Variants in LDB2 observed in about 807,000 individuals in gnomAD.
LDB2 encodes LIM domain binding 2, also known as LIM domain-binding protein 2.
Under a neutral mutation model 44.3 loss-of-function variants are expected in LDB2, and 12 were observed. That is an observed-to-expected ratio of 0.27 (90% CI 0.17 to 0.44). The LOEUF (loss-of-function observed/expected upper bound fraction) is 0.44. Among genes scored for constraint, LDB2 ranks in the 20% least tolerant of loss-of-function variants. The probability of loss-of-function intolerance (pLI) is 1.00; values close to 1 mark genes in which losing one functional copy is unlikely to be tolerated. For synonymous variants in LDB2, 164 were observed against 174.8 expected, an observed-to-expected ratio of 0.94 and a Z score of 0.49; for missense variants, 344 against 473.5, an observed-to-expected ratio of 0.73 and a Z score of 2.54.
intron 2 of LDB2, among the ~76,000 whole-genome samples, chr4:16,668,866 C>T (rs765631818): frequency 6.6e-5 from 10 of 152,194 alleles, no homozygotes; most frequent in Non-Finnish European, 1.2e-4. Context: ...GGGTGACTCC[C>T]CCAGTGCTTA....
At chr4:16,512,174 G>T (rs1415379532) in intron 5 of LDB2, 70 bp from the exon 6 acceptor site, 2 of 1,365,078 alleles carry the variant, frequency 1.5e-6, no homozygotes, top group Non-Finnish European at 2.0e-6. Flanking sequence ...AATGCTAACA[G>T]CTGGAATCAA....
At chr4:16,675,396 G>A (rs17492017) in intron 2 of LDB2, among the ~76,000 whole-genome samples, 28,956 of 151,976 alleles carry the variant, frequency 0.19, 2,815 homozygotes, top group East Asian at 0.34. Context: ...GTAATAAAAT[G>A]CATCTCTAAT....
rs544185664 is a variant in LDB2 at position 16,724,591 on chromosome 4, A to G, written c.235+34567T>C. On this transcript the variant is annotated intron_variant, in intron 2 of 7. Transcript: ENST00000304523. ...TGGGCTATGGTAAATCTATAGTATC[A>G]AGTTCAGATGCCCTGTGAGATTCTC... is the stretch of plus-strand genomic sequence containing the variant. Among the ~76,000 whole-genome samples the G allele has an allele frequency of 2.0e-5, 3 of 152,114 alleles. No individual in the cohort carries two copies. In the East Asian group the frequency reaches 5.8e-4, roughly 30 times the overall value.
chr4:16,816,015 C>A (rs1043094733), intron 1 of LDB2, among the ~76,000 whole-genome samples: 1 of 152,294 alleles, frequency 6.6e-6, no homozygotes, highest in Non-Finnish European at 1.5e-5. Flanking sequence ...CGAGACCAGC[C>A]TGGCCAACAT....
chr4:16,528,224 G>A (rs1039003457), intron 5 of LDB2, among the ~76,000 whole-genome samples: 5 of 152,112 alleles, frequency 3.3e-5, no homozygotes, highest in Admixed American at 6.6e-5. Context: ...GGAGGGAAGC[G>A]GGTGAGAGGT....
intron 2 of LDB2, among the ~76,000 whole-genome samples, chr4:16,632,933 C>G (rs1019371205): frequency 6.6e-6 from 1 of 152,208 alleles, no homozygotes; most frequent in Non-Finnish European, 1.5e-5. Flanking sequence ...CATCCCATTA[C>G]TGGGCATATA....
chr4:16,642,392 A>G (rs970761439), intron 2 of LDB2, among the ~76,000 whole-genome samples: 3 of 152,222 alleles, frequency 2.0e-5, no homozygotes, highest in African/African-American at 7.2e-5. Flanking sequence ...ATGGAAAAAA[A>G]TGTGAAAAAA....
chr4:16,630,331 C>A (rs557907383), intron 2 of LDB2, among the ~76,000 whole-genome samples: 1 of 152,162 alleles, frequency 6.6e-6, no homozygotes, highest in Non-Finnish European at 1.5e-5. Flanking sequence ...CATATCCAGC[C>A]AAACTAAGCT....
chr4:16,773,738 C>G (rs933284210), intron 1 of LDB2, among the ~76,000 whole-genome samples: 4 of 151,986 alleles, frequency 2.6e-5, no homozygotes, highest in Non-Finnish European at 5.9e-5. Context: ...TTTCATATTC[C>G]TTTCTTTTTT....
chr4:16,655,201 A>G (rs1184329700), intron 2 of LDB2, among the ~76,000 whole-genome samples: 5 of 152,198 alleles, frequency 3.3e-5, no homozygotes, highest in Admixed American at 3.3e-4. Flanking sequence ...AATATTTGTG[A>G]CACTAGCCAT....
chr4:16,806,369 G>A (rs1244784232), intron 1 of LDB2, among the ~76,000 whole-genome samples: 1 of 152,092 alleles, frequency 6.6e-6, no homozygotes, highest in Non-Finnish European at 1.5e-5. Flanking sequence ...ATCTTTCTTT[G>A]TGTTCTCCAG....
chr4:16,601,771 G>A (rs574930704), intron 2 of LDB2, among the ~76,000 whole-genome samples: 1 of 152,054 alleles, frequency 6.6e-6, no homozygotes, highest in African/African-American at 2.4e-5. Flanking sequence ...TAAACACCAA[G>A]AGTCATTAAA....
intron 1 of LDB2, among the ~76,000 whole-genome samples, chr4:16,897,290 T>C (rs955752967): frequency 1.3e-5 from 2 of 152,132 alleles, no homozygotes; most frequent in African/African-American, 4.8e-5. Flanking sequence ...GCATAAATCT[T>C]GTGGTATTTA....
rs143040571 is a variant in LDB2 at position 16,615,215 on chromosome 4, A to C, written c.236-19340T>G. ...GTTTAGCAATTCCTCAAGGATCTAGAACTAGAAATACCATTTGACCCAGCC... is the reference window on the plus strand; with the variant it reads ...GTTTAGCAATTCCTCAAGGATCTAGCACTAGAAATACCATTTGACCCAGCC... On this transcript the variant is annotated intron_variant, in intron 2 of 7. Coordinates refer to ENST00000304523, the MANE Select transcript of LDB2 (RefSeq NM_001290.5). 9.9e-3 allele frequency among the ~76,000 whole-genome samples: 1,505 copies of C among 152,316 alleles called. 15 individuals carry two copies. The highest frequency in any genetic ancestry group is 0.016 in the Non-Finnish European group (1,058 of 68,028).
At chr4:16,580,780 T>C (rs1714073699) in intron 5 of LDB2, among the ~76,000 whole-genome samples, 1 of 152,226 alleles carries the variant, frequency 6.6e-6, no homozygotes, top group South Asian at 2.1e-4. Flanking sequence ...CACATTTTAC[T>C]CAATGCCAGC....
chr4:16,564,913 A>ATTAG (rs1320801718), intron 5 of LDB2, among the ~76,000 whole-genome samples: 1 of 152,228 alleles, frequency 6.6e-6, no homozygotes, highest in African/African-American at 2.4e-5. Flanking sequence ...AGGCTCGGAT[A>ATTAG]TTAGTAACAC....
intron 2 of LDB2, among the ~76,000 whole-genome samples, chr4:16,662,746 G>A (rs1741946606): frequency 2.6e-5 from 4 of 151,978 alleles, no homozygotes. Flanking sequence ...CTGTTGCCAT[G>A]TAAGACGCGT....
At chr4:16,505,869 C>A (rs1225464816) in intron 7 of LDB2, 1 of 1,550,912 alleles carries the variant, frequency 6.4e-7, no homozygotes, top group South Asian at 1.2e-5. Context: ...TGACTCCTTT[C>A]AGGGCCCCTC....
intron 2 of LDB2, among the ~76,000 whole-genome samples, chr4:16,753,071 G>A (rs879727790): frequency 2.3e-4 from 35 of 152,244 alleles, no homozygotes; most frequent in Non-Finnish European, 2.2e-4. Flanking sequence ...AAACACACAC[G>A]GGTCTTAAAT....
Sources: gnomAD v4.1 joint callset for allele counts (sites outside exome capture counted in the v4.1 genomes callset) on GRCh38, gnomAD v4.1.1 for gene constraint, MANE v1.5 for transcripts, NCBI Gene and HGNC (gene_info 2026-07-23, HGNC 2026-07-21) for gene names.